Variants in TNIK observed in about 807,000 individuals in gnomAD.
TNIK encodes the protein TRAF2 and NCK-interacting protein kinase.
In TNIK, 49 loss-of-function variants were observed where a neutral mutation model predicts 191.3. That is an observed-to-expected ratio of 0.26 (90% CI 0.20 to 0.32). TNIK has a LOEUF of 0.32. Ranked by LOEUF, TNIK falls within the 10% of genes least tolerant of loss-of-function variation. TNIK has a pLI of 1.00. For missense variants in TNIK, 1,155 were observed against 1,702.3 expected (o/e 0.68, Z 5.66); for synonymous variants, 594 against 600.9 (o/e 0.99, Z 0.17).
At chr3:171,372,363 T>C (rs976309521) in intron 1 of TNIK, among the ~76,000 whole-genome samples, 5 of 152,224 alleles carry the variant, frequency 3.3e-5, no homozygotes, top group African/African-American at 7.2e-5. Context: ...GAAAGAATCA[T>C]CATATCAGAT....
chr3:171,124,225 C>T (rs1395696312), intron 17 of TNIK, among the ~76,000 whole-genome samples: 1 of 152,176 alleles, frequency 6.6e-6, no homozygotes, highest in Non-Finnish European at 1.5e-5. Context: ...CTCAGAGAAC[C>T]TACCACAGTA....
chr3:171,430,780 C>T (rs184739567), intron 1 of TNIK, among the ~76,000 whole-genome samples: 5 of 151,472 alleles, frequency 3.3e-5, no homozygotes, highest in Admixed American at 2.0e-4. Context: ...TATTAAATAG[C>T]TTAATCTTAT....
In TNIK at chr3:171,068,960, T is replaced by G; in HGVS notation, c.3587A>C (p.Asp1196Ala). The change falls in exon 30 of 33, where the codon GAT becomes GCT. Residue 1196 changes from aspartate (D) to alanine (A), a missense_variant. Asp to Ala is a moderately radical substitution (Grantham distance 126). This residue lies in a region of TNIK where 195 missense variants were observed against 415.4 expected (regional missense o/e 0.47). Transcript: ENST00000436636. ...ADLQHKPLLV[D>A]LTVEEGQRLK... ...TCTTTGACCTTCTTCTACCGTGAGATCAACTAGCAGAGGCTTGTGCTGGAG... is the reference window on the plus strand; with the variant it reads ...TCTTTGACCTTCTTCTACCGTGAGAGCAACTAGCAGAGGCTTGTGCTGGAG... 1 of 1,613,648 alleles carries G rather than the reference T, an allele frequency of 6.2e-7. No individual in the cohort carries two copies. Among genetic ancestry groups the G allele is most frequent in the Non-Finnish European group, 8.5e-7 (1 of 1,179,730 alleles).
intron 2 of TNIK, among the ~76,000 whole-genome samples, chr3:171,240,530 A>T (rs908646992): frequency 3.5e-5 from 5 of 141,210 alleles, no homozygotes; most frequent in African/African-American, 1.4e-4. Context: ...TTGAGGTTCC[A>T]TTTCTGTTCT....
At chr3:171,122,378 GT>G (rs1727874636) in intron 18 of TNIK, among the ~76,000 whole-genome samples, 1 of 152,182 alleles carries the variant, frequency 6.6e-6, no homozygotes, top group African/African-American at 2.4e-5. Flanking sequence ...TGGCTGCCTG[GT>G]CACAGTGGCT....
chr3:171,240,316 A>T (rs916162137), intron 2 of TNIK, among the ~76,000 whole-genome samples: 2 of 152,166 alleles, frequency 1.3e-5, no homozygotes, highest in African/African-American at 4.8e-5. Flanking sequence ...CCTATAGAGG[A>T]CGTGGAGGTT....
chr3:171,311,027 A>G (rs1753958838), intron 2 of TNIK, among the ~76,000 whole-genome samples: 1 of 151,954 alleles, frequency 6.6e-6, no homozygotes, highest in Non-Finnish European at 1.5e-5. Context: ...CTCAATCTCC[A>G]CTCACCGCTC....
chr3:171,120,226 A>C (rs1317756935), intron 18 of TNIK, among the ~76,000 whole-genome samples: 4 of 152,170 alleles, frequency 2.6e-5, no homozygotes, highest in Non-Finnish European at 2.9e-5. Context: ...AACATCTTGC[A>C]CTTAGTAACT....
At chr3:171,389,923 T>C (rs1719245017) in intron 1 of TNIK, among the ~76,000 whole-genome samples, 1 of 152,184 alleles carries the variant, frequency 6.6e-6, no homozygotes. Context: ...ATTACATCTA[T>C]TTTGAGGCTG....
chr3:171,198,386 G>A (rs1738988280), intron 4 of TNIK, among the ~76,000 whole-genome samples: 1 of 152,176 alleles, frequency 6.6e-6, no homozygotes, highest in Non-Finnish European at 1.5e-5. Context: ...GGGACTGGGT[G>A]TAGGGGGTAA....
At chr3:171,185,482 A>G (rs1417220864) in intron 7 of TNIK, among the ~76,000 whole-genome samples, 4 of 152,334 alleles carry the variant, frequency 2.6e-5, no homozygotes, top group Admixed American at 2.0e-4. Context: ...TTATTGCCCC[A>G]CATACTTATC....
At chr3:171,155,643 G>A (rs1733070543) in intron 12 of TNIK, among the ~76,000 whole-genome samples, 1 of 152,236 alleles carries the variant, frequency 6.6e-6, no homozygotes, top group Non-Finnish European at 1.5e-5. Flanking sequence ...AATGCCACAA[G>A]AGAAGAGACA....
At chr3:171,098,715 G>T (rs960434027) in intron 22 of TNIK, among the ~76,000 whole-genome samples, 4 of 151,840 alleles carry the variant, frequency 2.6e-5, no homozygotes, top group African/African-American at 9.7e-5. Flanking sequence ...AAATATAGAG[G>T]TTTACCTTAA....
At chr3:171,370,704 G>A (rs1336062838) in intron 1 of TNIK, among the ~76,000 whole-genome samples, 2 of 152,166 alleles carry the variant, frequency 1.3e-5, no homozygotes, top group East Asian at 3.8e-4. Flanking sequence ...GGTAGGGTGG[G>A]GTGGGGTGGA....
At chr3:171,224,384 C>A (rs1174016192) in intron 3 of TNIK, among the ~76,000 whole-genome samples, 1 of 151,950 alleles carries the variant, frequency 6.6e-6, no homozygotes, top group Non-Finnish European at 1.5e-5. Context: ...GTCCTATATG[C>A]ACTTCAGGGT....
chr3:171,153,642 T>A (rs1486317685), intron 12 of TNIK, among the ~76,000 whole-genome samples: 8 of 152,212 alleles, frequency 5.3e-5, no homozygotes, highest in Admixed American at 1.3e-4. Context: ...AAGTTTCATT[T>A]GAAAAAGGCA....
At chr3:171,441,915 T>C (rs1241328393) in intron 1 of TNIK, among the ~76,000 whole-genome samples, 3 of 152,242 alleles carry the variant, frequency 2.0e-5, no homozygotes, top group Non-Finnish European at 4.4e-5. Context: ...TCACAACTTA[T>C]GCACATTCCA....
At chr3:171,221,919 T>G (rs1410215484) in intron 3 of TNIK, among the ~76,000 whole-genome samples, 1 of 152,174 alleles carries the variant, frequency 6.6e-6, no homozygotes, top group Admixed American at 6.5e-5. Context: ...AGGATTTTAA[T>G]GCACACTAAA....
At chr3:171,139,382 A>ACACGCACG in intron 14 of TNIK, 88 bp downstream of exon 14, 9 of 738,822 alleles carry the variant, frequency 1.2e-5, no homozygotes, top group Non-Finnish European at 1.8e-5. Flanking sequence ...ACGCGCGCAC[A>ACACGCACG]CACACACACA....
Sources: allele counts gnomAD v4.1 joint callset (sites outside exome capture counted in the v4.1 genomes callset), GRCh38; gene constraint gnomAD v4.1.1; regional missense constraint gnomAD v4.1.1; transcripts MANE v1.5; gene names NCBI Gene and HGNC (gene_info 2026-07-23, HGNC 2026-07-21).